ZFAND3: variants seen among roughly 807,000 people sequenced by gnomAD.
ZFAND3 encodes the protein AN1-type zinc finger protein 3.
ZFAND3 carries 10 observed loss-of-function variants against 29.6 expected under a neutral mutation model. The ratio of observed to expected loss-of-function variants is 0.34; its 90% CI spans 0.21 to 0.57. ZFAND3 has a LOEUF of 0.57. Ranked by LOEUF, ZFAND3 falls within the 20% of genes least tolerant of loss-of-function variation. The pLI, the probability that ZFAND3 is intolerant of heterozygous loss-of-function variation, is 0.86. For missense variants in ZFAND3, 230 were observed against 304.5 expected (o/e 0.76, Z 1.82); for synonymous variants, 128 against 112.6 (o/e 1.14, Z -0.87).
chr6:38,034,856 C>T (rs1299788038), intron 2 of ZFAND3, among the ~76,000 whole-genome samples: 2 of 152,044 alleles, frequency 1.3e-5, no homozygotes, highest in Admixed American at 6.6e-5. Context: ...TACAATTGTT[C>T]TCATACCACT....
In ZFAND3 at chr6:37,876,154, G is replaced by A. The variant is rs58320470; in HGVS notation, c.72-53805G>A. On this transcript the variant is annotated intron_variant, in intron 1 of 5. Transcript: ENST00000287218. ...TGGAAAAGGTGAAGCAGGAAATAAA[G>A]GAAATTGGTTATTTTAAATTGAGTT... 0.015 allele frequency among the ~76,000 whole-genome samples: 2,227 copies of A among 152,280 alleles called. 252 individuals carry two copies. The East Asian group carries it at 0.28, about 19-fold the overall frequency.
intron 2 of ZFAND3, among the ~76,000 whole-genome samples, chr6:37,950,522 C>T (rs773533209): frequency 2.0e-5 from 3 of 152,030 alleles, no homozygotes; most frequent in Non-Finnish European, 2.9e-5. Context: ...GGATTACAGG[C>T]GCCTGCCACC....
At chr6:38,149,787 T>C (rs369565163) in intron 5 of ZFAND3, among the ~76,000 whole-genome samples, 1 of 152,286 alleles carries the variant, frequency 6.6e-6, no homozygotes, top group East Asian at 1.9e-4. Context: ...CCAAGTTAAT[T>C]CCAGCAGTAA....
intron 2 of ZFAND3, among the ~76,000 whole-genome samples, chr6:37,997,201 T>C (rs1561960466): frequency 6.6e-6 from 1 of 152,260 alleles, no homozygotes; most frequent in African/African-American, 2.4e-5. Context: ...TGTTTTCTTA[T>C]TTCCATTGGG....
intron 5 of ZFAND3, among the ~76,000 whole-genome samples, chr6:38,149,680 G>A (rs910261996): frequency 6.6e-6 from 1 of 152,130 alleles, no homozygotes; most frequent in Non-Finnish European, 1.5e-5. Flanking sequence ...CTGGCGGAAG[G>A]CAAGCTAAGC....
At chr6:38,038,106 G>C (rs868005068) in intron 2 of ZFAND3, among the ~76,000 whole-genome samples, 1 of 152,152 alleles carries the variant, frequency 6.6e-6, no homozygotes, top group East Asian at 1.9e-4. Flanking sequence ...GCTGCTGTGC[G>C]GCCCAGCAAG....
At chr6:37,848,031 C>G (rs1764213884) in intron 1 of ZFAND3, among the ~76,000 whole-genome samples, 1 of 152,200 alleles carries the variant, frequency 6.6e-6, no homozygotes, top group African/African-American at 2.4e-5. Flanking sequence ...CCTAATTCTG[C>G]CTTGTGGAAC....
At chr6:38,009,479 G>A (rs1303249327) in intron 2 of ZFAND3, among the ~76,000 whole-genome samples, 2 of 152,110 alleles carry the variant, frequency 1.3e-5, no homozygotes, top group African/African-American at 4.8e-5. Context: ...TCTGAAAATG[G>A]TTATATTGGG....
intron 2 of ZFAND3, among the ~76,000 whole-genome samples, chr6:38,035,928 A>G (rs1763648059): frequency 6.6e-6 from 1 of 152,214 alleles, no homozygotes; most frequent in Non-Finnish European, 1.5e-5. Flanking sequence ...AATAAAGTCT[A>G]CTAAATCTCA....
intron 2 of ZFAND3, among the ~76,000 whole-genome samples, chr6:37,958,453 C>CAA (rs11356169): frequency 1.5e-3 from 167 of 114,724 alleles, no homozygotes; most frequent in Non-Finnish European, 2.2e-3. Context: ...GACTCGGTCT[C>CAA]AAAAAAAAAA....
At chr6:37,981,144 G>A (rs940295908) in intron 2 of ZFAND3, among the ~76,000 whole-genome samples, 10 of 152,244 alleles carry the variant, frequency 6.6e-5, no homozygotes, top group Non-Finnish European at 1.5e-5. Flanking sequence ...GGTAGTTCCA[G>A]CCTAGAGGCT....
At chr6:37,840,555 T>C (rs1690094691) in intron 1 of ZFAND3, among the ~76,000 whole-genome samples, 2 of 152,262 alleles carry the variant, frequency 1.3e-5, no homozygotes, top group African/African-American at 4.8e-5. Flanking sequence ...TGAAATTACA[T>C]ATGAATTTCA....
chr6:38,034,637 A>G lies in ZFAND3; in HGVS notation c.113-26956A>G, dbSNP rs562854202. 4.6e-5 allele frequency among the ~76,000 whole-genome samples: 7 copies of G among 152,292 alleles called. No individual in the cohort carries two copies. In the South Asian group the frequency reaches 1.4e-3, roughly 32 times the overall value. On this transcript the variant is annotated intron_variant, in intron 2 of 5. Transcript: ENST00000287218. ...GTGGCTTCAAAATTAATATTTTAAA[A>G]AGGGGAAGAAAAAAAGATTCTTTGT... is the stretch of plus-strand genomic sequence containing the variant.
At chr6:38,144,173 TATATATATATAA>T (rs1766021588) in intron 5 of ZFAND3, among the ~76,000 whole-genome samples, 1 of 18,410 alleles carries the variant, frequency 5.4e-5, no homozygotes, top group African/African-American at 3.1e-4. Context: ...AAAAATGTGA[TATATATATATAA>T]TATATATATA....
intron 2 of ZFAND3, among the ~76,000 whole-genome samples, chr6:38,017,380 C>A (rs1272401232): frequency 5.9e-5 from 9 of 152,314 alleles, no homozygotes; most frequent in South Asian, 4.1e-4. Flanking sequence ...CCTTTCCATT[C>A]CACGATGACT....
At chr6:38,128,685 T>A (rs548814610) in intron 5 of ZFAND3, among the ~76,000 whole-genome samples, 1 of 149,566 alleles carries the variant, frequency 6.7e-6, no homozygotes, top group East Asian at 1.9e-4. Context: ...TGGCTGAGTA[T>A]TACTCCATCA....
chr6:37,907,661 G>T (rs939004635), intron 1 of ZFAND3, among the ~76,000 whole-genome samples: 1 of 135,660 alleles, frequency 7.4e-6, no homozygotes, highest in African/African-American at 2.5e-5. Context: ...TCTAGTTTTT[G>T]ACTATTATGC....
chr6:37,935,925 G>A (rs1350046540), intron 2 of ZFAND3, among the ~76,000 whole-genome samples: 1 of 152,130 alleles, frequency 6.6e-6, no homozygotes, highest in African/African-American at 2.4e-5. Context: ...GAAAAGTCAA[G>A]CATAGAGTCT....
chr6:38,083,589 C>G (rs1304043140), intron 4 of ZFAND3, among the ~76,000 whole-genome samples: 2 of 152,110 alleles, frequency 1.3e-5, no homozygotes, highest in African/African-American at 4.8e-5. Context: ...CATTCAGTGT[C>G]CTTTGATTTG....
Sources: gnomAD v4.1 joint callset for allele counts (sites outside exome capture counted in the v4.1 genomes callset) on GRCh38, gnomAD v4.1.1 for gene constraint, MANE v1.5 for transcripts, NCBI Gene and HGNC (gene_info 2026-07-23, HGNC 2026-07-21) for gene names.